The following PDZRN4 variants were observed in gnomAD, a reference collection of about 807,000 sequenced individuals.
The protein encoded by PDZRN4 is PDZ domain-containing RING finger protein 4.
A neutral mutation model predicts 99.0 loss-of-function variants in PDZRN4; 70 were observed. The ratio of observed to expected loss-of-function variants is 0.71; its 90% CI spans 0.58 to 0.86. PDZRN4 has a LOEUF of 0.86. Ranked by LOEUF, PDZRN4 falls within the 40% of genes least tolerant of loss-of-function variation. The pLI, the probability that PDZRN4 is intolerant of heterozygous loss-of-function variation, is 0.00. For missense variants in PDZRN4, 1,474 were observed against 1,331.2 expected, an observed-to-expected ratio of 1.11 and a Z score of -1.67; for synonymous variants, 551 against 501.6, an observed-to-expected ratio of 1.10 and a Z score of -1.32.
At chr12:41,564,899 T>C (rs1939338069) in intron 8 of PDZRN4, among the ~76,000 whole-genome samples, 1 of 152,174 alleles carries the variant, frequency 6.6e-6, no homozygotes, top group South Asian at 2.1e-4. Context: ...TATGATAAAT[T>C]GAAGTTGCCA....
chr12:41,424,125 G>GA (rs1356007160), intron 3 of PDZRN4, among the ~76,000 whole-genome samples: 2 of 152,240 alleles, frequency 1.3e-5, no homozygotes, highest in Non-Finnish European at 1.5e-5. Flanking sequence ...TCTGCTTTGT[G>GA]AAAAAATATT....
intron 9 of PDZRN4, among the ~76,000 whole-genome samples, chr12:41,570,661 C>T (rs564722423): frequency 8.9e-4 from 136 of 152,110 alleles, no homozygotes; most frequent in African/African-American, 3.0e-3. Flanking sequence ...ATAAATAACA[C>T]GATATATAAA....
Position 41,532,927 on chromosome 12 carries a change from A to G in PDZRN4, c.1204-19729A>G, listed in dbSNP as rs541716575. The stretch of plus-strand genomic sequence containing the variant: ...ATTAATTCATGCTTGAAAAATATAT[A>G]TATTTTTTGCATTTATTGGGGATAA... On this transcript the variant is annotated intron_variant, in intron 5 of 9. Transcript: ENST00000402685. Among the ~76,000 whole-genome samples the G allele has an allele frequency of 7.7e-4, 117 of 152,212 alleles. 3 individuals are homozygous for G. In the East Asian group the frequency reaches 0.016, roughly 21 times the overall value.
intron 3 of PDZRN4, among the ~76,000 whole-genome samples, chr12:41,217,004 C>G (rs1950925503): frequency 6.6e-6 from 1 of 152,068 alleles, no homozygotes; most frequent in Admixed American, 6.6e-5. Flanking sequence ...ATATCCTTCT[C>G]AAAACAAATA....
At chr12:41,323,026 T>A (rs1477788793) in intron 3 of PDZRN4, among the ~76,000 whole-genome samples, 1 of 152,102 alleles carries the variant, frequency 6.6e-6, no homozygotes, top group East Asian at 1.9e-4. Flanking sequence ...AGTAAAGAAA[T>A]GTGTTTCCTC....
At chr12:41,545,408 T>C (rs1938928179) in intron 5 of PDZRN4, among the ~76,000 whole-genome samples, 1 of 152,124 alleles carries the variant, frequency 6.6e-6, no homozygotes, top group African/African-American at 2.4e-5. Context: ...AATTTTATGA[T>C]CTCTTCAAAA....
At chr12:41,439,458 C>G (rs1310836196) in intron 3 of PDZRN4, among the ~76,000 whole-genome samples, 2 of 152,066 alleles carry the variant, frequency 1.3e-5, no homozygotes, top group Non-Finnish European at 1.5e-5. Context: ...ATCTGAATTA[C>G]TAAATTTATA....
chr12:41,382,793 T>C (rs771212553), intron 3 of PDZRN4, among the ~76,000 whole-genome samples: 20 of 152,324 alleles, frequency 1.3e-4, no homozygotes, highest in Admixed American at 4.6e-4. Flanking sequence ...TCTCCATTTA[T>C]AGCTGTATAG....
chr12:41,256,572 C>T (rs935043925), intron 3 of PDZRN4, among the ~76,000 whole-genome samples: 1 of 152,156 alleles, frequency 6.6e-6, no homozygotes, highest in East Asian at 1.9e-4. Flanking sequence ...AAAAGTTGAA[C>T]TTTTAGGGCT....
chr12:41,546,100 T>C (rs1178284006), intron 5 of PDZRN4, among the ~76,000 whole-genome samples: 3 of 152,190 alleles, frequency 2.0e-5, no homozygotes, highest in African/African-American at 7.2e-5. Flanking sequence ...CAGCATGGAT[T>C]GCTCATTTGC....
intron 3 of PDZRN4, among the ~76,000 whole-genome samples, chr12:41,201,596 A>G (rs1012289285): frequency 2.0e-5 from 3 of 152,078 alleles, no homozygotes; most frequent in Non-Finnish European, 4.4e-5. Flanking sequence ...GGACTAAATG[A>G]ATGGATGAAT....
At chr12:41,386,982 G>A (rs1327458811) in intron 3 of PDZRN4, among the ~76,000 whole-genome samples, 1 of 152,128 alleles carries the variant, frequency 6.6e-6, no homozygotes, top group African/African-American at 2.4e-5. Flanking sequence ...ACTCAAGACA[G>A]ATTAAACACT....
intron 3 of PDZRN4, among the ~76,000 whole-genome samples, chr12:41,451,291 C>T (rs2120501917): frequency 6.6e-6 from 1 of 152,102 alleles, no homozygotes; most frequent in South Asian, 2.1e-4. Flanking sequence ...TACTAGTAAC[C>T]TCAGCAAAGG....
intron 3 of PDZRN4, among the ~76,000 whole-genome samples, chr12:41,329,625 T>A (rs970397246): frequency 6.6e-6 from 1 of 152,122 alleles, no homozygotes; most frequent in African/African-American, 2.4e-5. Context: ...AATGTTAATG[T>A]GCATTTTTTC....
chr12:41,525,177 AG>A (rs1938548925), intron 5 of PDZRN4, among the ~76,000 whole-genome samples: 1 of 152,132 alleles, frequency 6.6e-6, no homozygotes, highest in African/African-American at 2.4e-5. Flanking sequence ...TACAGCACTC[AG>A]GGAGATACCA....
chr12:41,573,268 T>A lies in PDZRN4; in HGVS notation c.2489T>A (p.Leu830His). The A allele has an allele frequency of 6.2e-7, 1 of 1,613,680 alleles. No individual in the cohort carries two copies. ...GCAGTCAGCGAACACATCCCTTACCTCTCTCCTTACCACAGCTCCTCATAT... is the reference window on the plus strand; with the variant it reads ...GCAGTCAGCGAACACATCCCTTACCACTCTCCTTACCACAGCTCCTCATAT... The part of the protein sequence containing the change: ...EKAVSEHIPY[L>H]SPYHSSSYRY... Residue 830 changes from leucine to histidine, a missense_variant, in exon 10 of 10, where the codon CTC becomes CAC. Physicochemically the swap from Leu to His is moderately conservative, Grantham distance 99. Transcript: ENST00000402685.
chr12:41,234,124 A>C (rs1951049734), intron 3 of PDZRN4, among the ~76,000 whole-genome samples: 1 of 151,974 alleles, frequency 6.6e-6, no homozygotes, highest in South Asian at 2.1e-4. Flanking sequence ...CTGCTTGATA[A>C]TATATATTGA....
intron 3 of PDZRN4, among the ~76,000 whole-genome samples, chr12:41,363,395 A>G (rs1478870041): frequency 6.6e-6 from 1 of 152,158 alleles, no homozygotes; most frequent in African/African-American, 2.4e-5. Context: ...AAATAAGCAA[A>G]CAGACAAAAT....
chr12:41,287,563 G>A (rs1951429684), intron 3 of PDZRN4, among the ~76,000 whole-genome samples: 1 of 152,202 alleles, frequency 6.6e-6, no homozygotes, highest in African/African-American at 2.4e-5. Context: ...TTGCAGAACT[G>A]CAAACTGCAG....
Sources: allele counts gnomAD v4.1 joint callset (sites outside exome capture counted in the v4.1 genomes callset), GRCh38; gene constraint gnomAD v4.1.1; transcripts MANE v1.5; gene names NCBI Gene and HGNC (gene_info 2026-07-23, HGNC 2026-07-21).